The following RBFOX1 variants were observed in gnomAD, a reference collection of about 807,000 sequenced individuals.
The protein encoded by RBFOX1 is RNA binding fox-1 homolog 1, also known as RNA binding protein fox-1 homolog 1.
RBFOX1 carries 8 observed loss-of-function variants against 57.7 expected under a neutral mutation model. That is an observed-to-expected ratio of 0.14 (90% CI 0.08 to 0.25). The LOEUF is 0.25. Among genes scored for constraint, RBFOX1 ranks in the 10% least tolerant of loss-of-function variants. The pLI is 1.00. For missense variants in RBFOX1, 611 were observed against 548.5 expected (o/e 1.11, Z -1.14); for synonymous variants, 326 against 222.4 (o/e 1.47, Z -4.15).
At chr16:6,558,226 C>G (rs78609041) in intron 2 of RBFOX1, among the ~76,000 whole-genome samples, 3 of 152,030 alleles carry the variant, frequency 2.0e-5, no homozygotes, top group African/African-American at 7.2e-5. Context: ...GGTGAAATGA[C>G]TCTATGTGGC....
At chr16:6,953,833 T>C (rs949941421) in intron 3 of RBFOX1, among the ~76,000 whole-genome samples, 4 of 152,250 alleles carry the variant, frequency 2.6e-5, no homozygotes, top group African/African-American at 7.2e-5. Context: ...AAAATAACTC[T>C]TGGATACCTG....
rs990620070 is a variant in RBFOX1, at chr16:6,612,984, G to C, written c.-63-41619G>C. Among the ~76,000 whole-genome samples the C allele has an allele frequency of 1.1e-4, 17 of 150,514 alleles. No homozygotes were observed. In the Admixed American group the frequency reaches 1.1e-3, roughly 10 times the overall value. ...ACAGTTCACGTGCCAAGTGAGAGAA[G>C]GCAGGTGCCAGTCCCAGCATGTGTG... On this transcript the variant is annotated intron_variant, in intron 2 of 15. Transcript: ENST00000550418.
chr16:6,921,269 G>T (rs796811439), intron 3 of RBFOX1, among the ~76,000 whole-genome samples: 15 of 152,236 alleles, frequency 9.9e-5, no homozygotes, highest in African/African-American at 3.6e-4. Flanking sequence ...AATGTCTATG[G>T]GTTAAAATTT....
chr16:6,271,094 G>T (rs1004502372), intron 1 of RBFOX1, among the ~76,000 whole-genome samples: 1 of 152,132 alleles, frequency 6.6e-6, no homozygotes, highest in African/African-American at 2.4e-5. Flanking sequence ...AAGAGGAAAA[G>T]CTTCAAATCA....
intron 1 of RBFOX1, among the ~76,000 whole-genome samples, chr16:6,234,582 G>C (rs2152912954): frequency 6.6e-6 from 1 of 152,280 alleles, no homozygotes; most frequent in East Asian, 1.9e-4. Context: ...TGTGGGGTTG[G>C]TACTTTCTGT....
At chr16:6,920,613 G>A (rs1488011484) in intron 3 of RBFOX1, among the ~76,000 whole-genome samples, 3 of 152,180 alleles carry the variant, frequency 2.0e-5, no homozygotes, top group Non-Finnish European at 4.4e-5. Flanking sequence ...TCAAGATGTG[G>A]AGATATTAGC....
In RBFOX1 at chr16:6,826,726, G is replaced by A. The variant is rs141795201; in HGVS notation, c.-16+172076G>A. Among the ~76,000 whole-genome samples, 450 of 151,914 alleles carry A rather than the reference G, an allele frequency of 3.0e-3. 1 individual carries two copies. The highest frequency in any genetic ancestry group is 0.017 in the Middle Eastern group (5 of 294). ...AGACCAGGTGATTTATTTTTCTCAC[G>A]CTCATTTCTCTTTAATAATTATCAT... On this transcript the variant is annotated intron_variant, in intron 3 of 15. Transcript: ENST00000550418.
At chr16:6,316,090 C>T (rs985243698) in intron 1 of RBFOX1, among the ~76,000 whole-genome samples, 2 of 152,136 alleles carry the variant, frequency 1.3e-5, no homozygotes, top group East Asian at 1.9e-4. Context: ...ATTCAATTAT[C>T]GATGGATCAG....
At chr16:6,286,674 T>A (rs1435084101) in intron 1 of RBFOX1, among the ~76,000 whole-genome samples, 1 of 152,160 alleles carries the variant, frequency 6.6e-6, no homozygotes, top group East Asian at 1.9e-4. Context: ...TGTGTGTTCT[T>A]TTGTTTACCC....
At chr16:6,943,938 G>A (rs1284151370) in intron 3 of RBFOX1, among the ~76,000 whole-genome samples, 1 of 152,028 alleles carries the variant, frequency 6.6e-6, no homozygotes, top group African/African-American at 2.4e-5. Flanking sequence ...CATATCCCTG[G>A]AGTCTCTCTG....
At chr16:6,099,963 G>A (rs1328072246) in intron 1 of RBFOX1, among the ~76,000 whole-genome samples, 1 of 152,140 alleles carries the variant, frequency 6.6e-6, no homozygotes, top group Admixed American at 6.5e-5. Context: ...TGGTGTAACA[G>A]CCTCATTCTG....
chr16:7,123,820 TAAG>T (rs1446939674), intron 4 of RBFOX1, among the ~76,000 whole-genome samples: 1 of 152,194 alleles, frequency 6.6e-6, no homozygotes, highest in Admixed American at 6.5e-5. Flanking sequence ...ATTTGCAATA[TAAG>T]AAGAAGGGTT....
At chr16:6,980,785 G>A (rs540672619) in intron 3 of RBFOX1, among the ~76,000 whole-genome samples, 1 of 152,244 alleles carries the variant, frequency 6.6e-6, no homozygotes, top group African/African-American at 2.4e-5. Flanking sequence ...GCTCATGCCT[G>A]TAATCCCAGC....
intron 4 of RBFOX1, among the ~76,000 whole-genome samples, chr16:5,910,044 C>G (rs2058569516): frequency 6.6e-6 from 1 of 151,656 alleles, no homozygotes; most frequent in African/African-American, 2.4e-5. Context: ...CAGAGCAAGA[C>G]TTCAAAAACA....
intron 4 of RBFOX1, among the ~76,000 whole-genome samples, chr16:7,262,021 C>T (rs2094937695): frequency 6.6e-6 from 1 of 152,112 alleles, no homozygotes; most frequent in East Asian, 1.9e-4. Flanking sequence ...TCTGTTGGTT[C>T]CTTTTTCACA....
At chr16:6,912,564 T>G (rs1000782599) in intron 3 of RBFOX1, among the ~76,000 whole-genome samples, 7 of 152,104 alleles carry the variant, frequency 4.6e-5, no homozygotes, top group Non-Finnish European at 7.3e-5. Context: ...TCTCTTTGTT[T>G]CTTTTACTTT....
chr16:7,030,240 G>C (rs1193714071), intron 3 of RBFOX1, among the ~76,000 whole-genome samples: 2 of 152,180 alleles, frequency 1.3e-5, no homozygotes, highest in Non-Finnish European at 2.9e-5. Context: ...CAGTGACACA[G>C]ATGGGATGGA....
chr16:5,637,860 C>T (rs116495321), intron 3 of RBFOX1, among the ~76,000 whole-genome samples: 32 of 152,308 alleles, frequency 2.1e-4, no homozygotes, highest in African/African-American at 4.8e-4. Context: ...CCTCTCCTAC[C>T]GCCTTAGGTG....
chr16:6,223,988 G>A (rs1774040266), intron 1 of RBFOX1, among the ~76,000 whole-genome samples: 1 of 152,048 alleles, frequency 6.6e-6, no homozygotes, highest in South Asian at 2.1e-4. Context: ...TTTTTGTCAG[G>A]TTTGTCAAAG....
Sources: allele counts gnomAD v4.1 joint callset (sites outside exome capture counted in the v4.1 genomes callset), GRCh38; gene constraint gnomAD v4.1.1; transcripts MANE v1.5; gene names NCBI Gene and HGNC (gene_info 2026-07-23, HGNC 2026-07-21).